The following ABCC2 variants were observed in gnomAD, a reference collection of about 807,000 sequenced individuals.
ABCC2 encodes ATP-binding cassette sub-family C member 2.
Under a neutral mutation model 173.4 loss-of-function variants are expected in ABCC2, and 157 were observed. The ratio of observed to expected loss-of-function variants is 0.91; its 90% CI spans 0.80 to 1.03. The LOEUF (loss-of-function observed/expected upper bound fraction) is 1.03. Ranked by LOEUF, ABCC2 falls within the 50% of genes least tolerant of loss-of-function variation. The pLI is 0.00. For missense variants in ABCC2, 1,822 were observed against 1,852.3 expected (o/e 0.98, Z 0.30); for synonymous variants, 657 against 693.5 (o/e 0.95, Z 0.83).
In ABCC2 at chr10:99,784,685, G is replaced by C; in HGVS notation, c.111G>C (p.Leu37Phe). 6.2e-7 allele frequency: 1 copy of C among 1,614,188 alleles called. No homozygotes were observed. Among genetic ancestry groups the C allele is most frequent in the Non-Finnish European group, 8.5e-7 (1 of 1,180,024 alleles). Residue 37 changes from leucine (L) to phenylalanine (F), a missense_variant, in exon 2 of 32, where the codon TTG becomes TTC. Physicochemically the swap from Leu to Phe is conservative, Grantham distance 22. Coordinates refer to ENST00000647814, the MANE Select transcript of ABCC2 (RefSeq NM_000392.5). ...FEQTVLVWIP[L>F]GYLWLLAPWQ... ...AAACTGTTCTGGTGTGGATTCCCTT[G>C]GGCTACCTATGGCTCCTGGCCCCCT... is the stretch of plus-strand genomic sequence containing the variant.
At chr10:99,783,000 C>A in intron 1 of ABCC2, 123 bp downstream of exon 1, 1 of 927,910 alleles carries the variant, frequency 1.1e-6, no homozygotes, top group Non-Finnish European at 1.7e-6. Context: ...GTCTAAAGCT[C>A]AGGCTTTTTA....
At position 99,842,053 on chromosome 10, in the gene ABCC2, G is replaced by C; in HGVS notation, c.3701G>C (p.Ser1234Thr). 1 of 1,614,214 alleles carries C rather than the reference G, an allele frequency of 6.2e-7. No homozygotes were observed. The highest frequency in any genetic ancestry group is 1.7e-5 in the Admixed American group (1 of 60,022). The change falls in exon 26 of 32, where the codon AGT becomes ACT. Residue 1234 changes from serine to threonine, a missense_variant. Transcript: ENST00000647814. ...LMMVIYRDTL[S>T]GDTVGFVLSN... ...ATGGTTATTTATAGAGATACCCTAAGTGGGGACACTGTTGGCTTTGTTCTG... is the reference window on the plus strand; with the variant it reads ...ATGGTTATTTATAGAGATACCCTAACTGGGGACACTGTTGGCTTTGTTCTG...
chr10:99,851,199 A>G (rs1317071138), intron 31 of ABCC2, among the ~76,000 whole-genome samples: 1 of 152,230 alleles, frequency 6.6e-6, no homozygotes, highest in Non-Finnish European at 1.5e-5. Flanking sequence ...CAGTAATCTT[A>G]GAAAGCTGTT....
intron 19 of ABCC2, among the ~76,000 whole-genome samples, chr10:99,827,174 C>T (rs571647475): frequency 4.7e-4 from 72 of 152,324 alleles, no homozygotes; most frequent in African/African-American, 1.7e-3. Context: ...GTTCGGCTGG[C>T]GGCCAGTATT....
rs2038287190 is a variant in ABCC2, at chr10:99,814,201, A to ATATACACACATGTATG, written c.2094+1070_2094+1071insATGTATACACACATGT. Among the ~76,000 whole-genome samples the ATATACACACATGTATG allele has an allele frequency of 1.6e-4, 6 of 36,898 alleles. No homozygotes were observed. The South Asian group carries it at 4.3e-3, about 26-fold the overall frequency. The allele number at this position is 36,898 out of a possible 152,430, so 24.2% of individuals were successfully genotyped here. A position where few individuals can be genotyped will look rare whatever the true frequency, so the allele number is the denominator to read the frequency against. ...CATGTATGTATACACACATGTGTAT[A>ATATACACACATGTATG]TATACACACATGTGTATATATACAC... On this transcript the variant is annotated intron_variant, in intron 16 of 31. Transcript: ENST00000647814.
At chr10:99,831,401 T>C (rs2038735839) in intron 21 of ABCC2, among the ~76,000 whole-genome samples, 1 of 152,208 alleles carries the variant, frequency 6.6e-6, no homozygotes, top group Admixed American at 6.5e-5. Context: ...CCTTTAGCTT[T>C]GATGATTATT....
chr10:99,825,890 G>T (rs1374981968), intron 19 of ABCC2, among the ~76,000 whole-genome samples: 1 of 152,186 alleles, frequency 6.6e-6, no homozygotes, highest in Non-Finnish European at 1.5e-5. Context: ...TGAAACACTT[G>T]GGACAGTGGG....
chr10:99,812,254 A>G (rs1333340566), intron 15 of ABCC2, among the ~76,000 whole-genome samples: 2 of 152,220 alleles, frequency 1.3e-5, no homozygotes. Flanking sequence ...GGGCAGGAGC[A>G]CATGCTCTGA....
chr10:99,832,631 A>C (rs1390193534), intron 23 of ABCC2, among the ~76,000 whole-genome samples: 1 of 152,128 alleles, frequency 6.6e-6, no homozygotes, highest in Non-Finnish European at 1.5e-5. Context: ...GAAATACAAG[A>C]GATAGTAGGA....
chr10:99,851,995 T>C lies in ABCC2; in HGVS notation c.*364T>C, dbSNP rs2039094147. 1 of 191,672 alleles carries C rather than the reference T, an allele frequency of 5.2e-6. No homozygotes were observed. Among genetic ancestry groups the C allele is most frequent in the African/African-American group, 2.4e-5 (1 of 42,030 alleles). 11.9% of individuals were successfully genotyped at this position (191,672 alleles called of 1,614,324 possible). A position where few individuals can be genotyped will look rare whatever the true frequency, so the allele number is the denominator to read the frequency against. On this transcript the variant is annotated 3_prime_UTR_variant, in exon 32 of 32. Coordinates refer to ENST00000647814, the MANE Select transcript of ABCC2 (RefSeq NM_000392.5). Reference sequence around the variant, plus strand: ...TGTAAATGGACTGACTCATACTGCATACATCTTCTATGACTTGATTCTTTT... The same window carrying C: ...TGTAAATGGACTGACTCATACTGCACACATCTTCTATGACTTGATTCTTTT...
intron 2 of ABCC2, among the ~76,000 whole-genome samples, chr10:99,791,418 C>CA (rs1377873300): frequency 1.3e-5 from 2 of 152,112 alleles, no homozygotes; most frequent in Non-Finnish European, 2.9e-5. Flanking sequence ...AAAACAAAAA[C>CA]AAAAAACCTA....
intron 23 of ABCC2, among the ~76,000 whole-genome samples, chr10:99,834,080 C>A (rs1332941913): frequency 1.3e-5 from 2 of 152,148 alleles, no homozygotes; most frequent in African/African-American, 4.8e-5. Context: ...TGGGATTTCA[C>A]CATGTTGGTC....
chr10:99,814,145 ACATG>A (rs1470822134), intron 16 of ABCC2, among the ~76,000 whole-genome samples: 6 of 27,240 alleles, frequency 2.2e-4, no homozygotes, highest in South Asian at 1.3e-3. Context: ...ATATATACAC[ACATG>A]TATGTATACA....
rs1015104832 is a variant in ABCC2 at position 99,792,347 on chromosome 10, C to T, written c.321C>T (p.Tyr107=). ...TTCGATATACCAATCCAAGCCTCTA[C>T]CTAGGCACATGGGTAAGACCTATAC... The part of the protein sequence containing the change: ...PAVRYTNPSL[Y]LGTWLLVLLI... The change falls in exon 3 of 32, where the codon TAC becomes TAT. Residue 107 remains tyrosine (Y), a synonymous_variant. Coordinates refer to ENST00000647814, the MANE Select transcript of ABCC2 (RefSeq NM_000392.5). 3 of 1,613,930 alleles carry T rather than the reference C, an allele frequency of 1.9e-6. No homozygotes were observed. The highest frequency in any genetic ancestry group is 2.5e-6 in the Non-Finnish European group (3 of 1,179,938).
intron 24 of ABCC2, among the ~76,000 whole-genome samples, chr10:99,835,273 C>T (rs2038802814): frequency 1.3e-5 from 2 of 152,162 alleles, no homozygotes; most frequent in Admixed American, 1.3e-4. Context: ...GCCCCCATGT[C>T]CGTGTACAGT....
chr10:99,847,183 CTCCTCGTGT>C, intron 30 of ABCC2, 56 bp downstream of exon 30: 1 of 1,593,250 alleles, frequency 6.3e-7, no homozygotes, highest in African/African-American at 1.3e-5. Context: ...GAGGGGGCCA[CTCCTCGTGT>C]TCCTCGTGTT....
intron 19 of ABCC2, among the ~76,000 whole-genome samples, chr10:99,827,093 C>T (rs1590178454): frequency 6.6e-6 from 1 of 151,552 alleles, no homozygotes; most frequent in Non-Finnish European, 1.5e-5. Context: ...GAGGGTATGG[C>T]GCCCTGCCCT....
At chr10:99,785,885 A>G (rs1159815561) in intron 2 of ABCC2, among the ~76,000 whole-genome samples, 3 of 152,004 alleles carry the variant, frequency 2.0e-5, no homozygotes, top group Non-Finnish European at 2.9e-5. Context: ...CTACTAGCAT[A>G]CCTAACAATG....
intron 6 of ABCC2, among the ~76,000 whole-genome samples, chr10:99,796,188 C>G (rs974449988): frequency 6.6e-6 from 1 of 151,946 alleles, no homozygotes; most frequent in Non-Finnish European, 1.5e-5. Context: ...CACGGTGAAA[C>G]CCCATCTCTA....
Sources: allele counts gnomAD v4.1 joint callset (sites outside exome capture counted in the v4.1 genomes callset), GRCh38; gene constraint gnomAD v4.1.1; transcripts MANE v1.5; gene names NCBI Gene and HGNC (gene_info 2026-07-23, HGNC 2026-07-21).